The following KIAA0319 variants were observed in gnomAD, a reference collection of about 807,000 sequenced individuals.
KIAA0319 encodes the protein dyslexia-associated protein KIAA0319.
In KIAA0319, 83 loss-of-function variants were observed where a neutral mutation model predicts 108.4. That is an observed-to-expected ratio of 0.77 (90% CI 0.64 to 0.92). KIAA0319 has a LOEUF of 0.92. Ranked by LOEUF, KIAA0319 falls within the 40% of genes least tolerant of loss-of-function variation. The probability of loss-of-function intolerance (pLI) is 0.00; values close to 1 mark genes in which losing one functional copy is unlikely to be tolerated. For missense variants in KIAA0319, 1,195 were observed against 1,322.4 expected, an observed-to-expected ratio of 0.90 and a Z score of 1.49; for synonymous variants, 484 against 510.4, an observed-to-expected ratio of 0.95 and a Z score of 0.70.
chr6:24,578,089 T>G, intron 9 of KIAA0319, 21 bp downstream of exon 9: 1 of 1,597,410 alleles, frequency 6.3e-7, no homozygotes, highest in African/African-American at 1.3e-5. Flanking sequence ...GGCAGCACAA[T>G]AAAGGCAGGG....
chr6:24,583,342 T>G (rs1301072443), intron 5 of KIAA0319: 5 of 690,366 alleles, frequency 7.2e-6, no homozygotes, highest in Non-Finnish European at 1.0e-5. Context: ...CTGATCTGCT[T>G]TGCATCATCA....
At chr6:24,555,594 A>G (rs1299465623) in intron 18 of KIAA0319, among the ~76,000 whole-genome samples, 2 of 151,660 alleles carry the variant, frequency 1.3e-5, no homozygotes, top group Non-Finnish European at 2.9e-5. Flanking sequence ...TGATTTTTAT[A>G]TAGTATTAAA....
At chr6:24,619,073 T>C (rs910267871) in intron 1 of KIAA0319, among the ~76,000 whole-genome samples, 4 of 152,108 alleles carry the variant, frequency 2.6e-5, no homozygotes, top group African/African-American at 9.7e-5. Context: ...GCCTGTGTAT[T>C]GCAGGAACAG....
chr6:24,640,387 G>C (rs9379678), intron 1 of KIAA0319, among the ~76,000 whole-genome samples: 102,459 of 151,962 alleles, frequency 0.67, 35,259 homozygotes, highest in East Asian at 0.87. Context: ...AATCCAGTCT[G>C]TGGGGACTGA....
At chr6:24,553,399 C>G (rs1761865455) in intron 19 of KIAA0319, among the ~76,000 whole-genome samples, 1 of 149,010 alleles carries the variant, frequency 6.7e-6, no homozygotes, top group South Asian at 2.1e-4. Context: ...CTAATAACTC[C>G]CACGGCCCTT....
intron 19 of KIAA0319, among the ~76,000 whole-genome samples, chr6:24,553,046 G>T (rs933554474): frequency 6.6e-6 from 1 of 152,078 alleles, no homozygotes; most frequent in South Asian, 2.1e-4. Flanking sequence ...GTAGCTTGAG[G>T]CTTCTCAGGG....
intron 20 of KIAA0319, among the ~76,000 whole-genome samples, chr6:24,548,572 C>T (rs934361067): frequency 2.6e-5 from 4 of 152,124 alleles, no homozygotes; most frequent in African/African-American, 9.7e-5. Context: ...GGTGGGGTTT[C>T]GCCAGGGACT....
At chr6:24,632,229 AAT>A (rs370340013) in intron 1 of KIAA0319, among the ~76,000 whole-genome samples, 2 of 152,254 alleles carry the variant, frequency 1.3e-5, no homozygotes, top group African/African-American at 4.8e-5. Context: ...TTATCAAAAT[AAT>A]AGTCATTTAT....
At chr6:24,611,963 A>G (rs1772385153) in intron 1 of KIAA0319, among the ~76,000 whole-genome samples, 1 of 151,954 alleles carries the variant, frequency 6.6e-6, no homozygotes, top group Non-Finnish European at 1.5e-5. Flanking sequence ...AGGCAAGAGG[A>G]TCACTTGAGC....
intron 1 of KIAA0319, among the ~76,000 whole-genome samples, chr6:24,603,596 C>T (rs1582178606): frequency 6.6e-6 from 1 of 152,144 alleles, no homozygotes; most frequent in African/African-American, 2.4e-5. Flanking sequence ...AACACTCTTC[C>T]GCACCCCTGT....
chr6:24,643,734 TAAC>T (rs1486516893), intron 1 of KIAA0319, among the ~76,000 whole-genome samples: 3 of 152,188 alleles, frequency 2.0e-5, no homozygotes, highest in Non-Finnish European at 4.4e-5. Flanking sequence ...ATCTCAAAAA[TAAC>T]AACACTTATT....
intron 1 of KIAA0319, among the ~76,000 whole-genome samples, chr6:24,617,660 CAAAA>C (rs1773347427): frequency 6.6e-6 from 1 of 152,040 alleles, no homozygotes; most frequent in Non-Finnish European, 1.5e-5. Context: ...GGAGTAGGAG[CAAAA>C]ATGCCTCATA....
chr6:24,594,636 A>C (rs59572839), intron 3 of KIAA0319, among the ~76,000 whole-genome samples: 30,079 of 88,750 alleles, frequency 0.34, 3,256 homozygotes, highest in South Asian at 0.51. Context: ...CACAAAAAAA[A>C]AACAACAAAA....
intron 3 of KIAA0319, among the ~76,000 whole-genome samples, chr6:24,593,386 C>CTTTTTT (rs58826962): frequency 1.4e-4 from 11 of 79,354 alleles, no homozygotes; most frequent in Admixed American, 4.6e-4. Context: ...GAATAATTAT[C>CTTTTTT]TTTTTTTTTT....
intron 1 of KIAA0319, among the ~76,000 whole-genome samples, chr6:24,630,956 G>A (rs1272871847): frequency 1.3e-5 from 2 of 152,180 alleles, no homozygotes; most frequent in Non-Finnish European, 2.9e-5. Context: ...GAAGGGAATG[G>A]AAACAGCCCA....
chr6:24,607,436 T>C (rs1325555021), intron 1 of KIAA0319, among the ~76,000 whole-genome samples: 1 of 151,912 alleles, frequency 6.6e-6, no homozygotes, highest in Non-Finnish European at 1.5e-5. Flanking sequence ...TTTTCGGTTT[T>C]TTTTTTTCCA....
intron 1 of KIAA0319, among the ~76,000 whole-genome samples, chr6:24,642,428 T>C (rs1022723395): frequency 6.6e-6 from 1 of 152,126 alleles, no homozygotes; most frequent in South Asian, 2.1e-4. Context: ...GATGGTAAGG[T>C]ATGCTGACAT....
chr6:24,616,131 T>G (rs1773110999), intron 1 of KIAA0319, among the ~76,000 whole-genome samples: 1 of 152,214 alleles, frequency 6.6e-6, no homozygotes, highest in African/African-American at 2.4e-5. Context: ...TATGTTGTTT[T>G]AATACTCCTT....
In KIAA0319 at chr6:24,582,522, T is replaced by G. The variant is rs1766737802; in HGVS notation, c.1094-176A>C. Reference sequence around the variant, plus strand: ...TATATTTTTTGTTTATTTGTTTTTATCCCCTCACTCTTGTTATCATCTTAT... The same window carrying G: ...TATATTTTTTGTTTATTTGTTTTTAGCCCCTCACTCTTGTTATCATCTTAT... On this transcript the variant is annotated intron_variant, in intron 5 of 20. Transcript: ENST00000378214. Among the ~76,000 whole-genome samples, 3 of 151,620 alleles carry G rather than the reference T, an allele frequency of 2.0e-5. No individual in the cohort carries two copies. The South Asian group carries it at 6.2e-4, about 31-fold the overall frequency.
Sources: gnomAD v4.1 joint callset for allele counts (sites outside exome capture counted in the v4.1 genomes callset) on GRCh38, gnomAD v4.1.1 for gene constraint, MANE v1.5 for transcripts, NCBI Gene and HGNC (gene_info 2026-07-23, HGNC 2026-07-21) for gene names.